NUBPL: variants seen among roughly 807,000 people sequenced by gnomAD.
The protein encoded by NUBPL is iron-sulfur cluster transfer protein NUBPL.
A neutral mutation model predicts 45.7 loss-of-function variants in NUBPL; 31 were observed. That is an observed-to-expected ratio of 0.68 (90% confidence interval 0.51 to 0.92). NUBPL has a LOEUF of 0.92. Ranked by LOEUF, NUBPL falls within the 40% of genes least tolerant of loss-of-function variation. NUBPL has a pLI of 0.00. For synonymous variants in NUBPL, 144 were observed against 140.9 expected, an observed-to-expected ratio of 1.02 and a Z score of -0.15; for missense variants, 401 against 398.7, an observed-to-expected ratio of 1.01 and a Z score of -0.05.
intron 4 of NUBPL, among the ~76,000 whole-genome samples, chr14:31,649,983 C>T (rs183593769): frequency 1.4e-3 from 220 of 152,230 alleles, no homozygotes; most frequent in Middle Eastern, 0.014. Context: ...CCTCAGCCTC[C>T]TGAGTAGCTG....
intron 3 of NUBPL, among the ~76,000 whole-genome samples, chr14:31,590,511 C>G (rs1442722206): frequency 1.3e-5 from 2 of 152,180 alleles, no homozygotes; most frequent in African/African-American, 4.8e-5. Flanking sequence ...ATCAAGTGCT[C>G]TGTTCATATC....
chr14:31,806,008 G>A (rs2039678556), intron 7 of NUBPL, among the ~76,000 whole-genome samples: 1 of 152,118 alleles, frequency 6.6e-6, no homozygotes, highest in Admixed American at 6.6e-5. Flanking sequence ...TGACCAATAT[G>A]TGGTCAGGTT....
chr14:31,621,627 C>T (rs1354011930), intron 4 of NUBPL, among the ~76,000 whole-genome samples: 2 of 152,194 alleles, frequency 1.3e-5, no homozygotes, highest in African/African-American at 4.8e-5. Flanking sequence ...ACCCACTGTC[C>T]AACCAGTCCC....
chr14:31,815,745 A>G (rs182229985), intron 7 of NUBPL, among the ~76,000 whole-genome samples: 120 of 152,244 alleles, frequency 7.9e-4, no homozygotes, highest in South Asian at 1.5e-3. Context: ...TTTAGCATGA[A>G]GTGGTGTTGA....
intron 4 of NUBPL, among the ~76,000 whole-genome samples, chr14:31,604,270 G>T (rs1406529263): frequency 1.3e-5 from 2 of 150,766 alleles, no homozygotes; most frequent in African/African-American, 4.9e-5. Flanking sequence ...TCACTTAAAA[G>T]AATGTGGAAT....
intron 4 of NUBPL, among the ~76,000 whole-genome samples, chr14:31,665,836 A>C (rs1191639779): frequency 1.3e-5 from 2 of 152,026 alleles, no homozygotes; most frequent in African/African-American, 4.8e-5. Context: ...GGGGTGTTAA[A>C]GTCTCCCACT....
intron 7 of NUBPL, among the ~76,000 whole-genome samples, chr14:31,825,529 C>A (rs1211446530): frequency 6.6e-6 from 1 of 150,820 alleles, no homozygotes; most frequent in Non-Finnish European, 1.5e-5. Context: ...TCCTCCTTAG[C>A]ATATGGTATT....
At position 31,859,150 on chromosome 14, in the gene NUBPL, G is replaced by T; in HGVS notation, c.930G>T (p.Val310=). 6.2e-7 allele frequency: 1 copy of T among 1,613,882 alleles called. No individual in the cohort carries two copies. The highest frequency in any genetic ancestry group is 2.2e-5 in the East Asian group (1 of 44,812). Residue 310 remains valine (V), a synonymous_variant, in exon 11 of 11, where the codon GTG becomes GTT. Transcript: ENST00000281081. ...CTTACTTGAGGATTGCTGTGGAAGTGGTAAGAAGATTGCCATCACCTTCAG... is the reference window on the plus strand; with the variant it reads ...CTTACTTGAGGATTGCTGTGGAAGTTGTAAGAAGATTGCCATCACCTTCAG... The part of the protein sequence containing the change: ...AKAYLRIAVE[V]VRRLPSPSE
At chr14:31,678,586 G>T (rs534539125) in intron 6 of NUBPL, among the ~76,000 whole-genome samples, 1 of 152,162 alleles carries the variant, frequency 6.6e-6, no homozygotes. Context: ...TAGGAATGTC[G>T]TCCATGAGCC....
chr14:31,599,916 T>A (rs1033738643), intron 4 of NUBPL, among the ~76,000 whole-genome samples: 2 of 134,596 alleles, frequency 1.5e-5, no homozygotes, highest in Admixed American at 1.5e-4. Context: ...ACTTTACTAG[T>A]TTTTTTTCTT....
At chr14:31,638,239 T>C (rs1013649786) in intron 4 of NUBPL, among the ~76,000 whole-genome samples, 3 of 152,172 alleles carry the variant, frequency 2.0e-5, no homozygotes, top group Admixed American at 1.3e-4. Context: ...GTTGTTCCTT[T>C]CCATGTTTAG....
intron 4 of NUBPL, 52 bp from the exon 5 acceptor site, chr14:31,673,303 T>G: frequency 4.1e-6 from 6 of 1,449,442 alleles, no homozygotes; most frequent in Non-Finnish European, 4.7e-6. Context: ...ATTCAGAATG[T>G]TTATGTGTTG....
chr14:31,641,251 A>G (rs1483308500), intron 4 of NUBPL, among the ~76,000 whole-genome samples: 1 of 152,048 alleles, frequency 6.6e-6, no homozygotes, highest in Non-Finnish European at 1.5e-5. Flanking sequence ...CGCCTGGCCA[A>G]TCTTATTTCT....
At chr14:31,595,895 A>C (rs563043268) in intron 3 of NUBPL, among the ~76,000 whole-genome samples, 73 of 148,308 alleles carry the variant, frequency 4.9e-4, no homozygotes, top group African/African-American at 1.7e-3. Context: ...GTTTCTGTTA[A>C]TGGACACTGA....
At chr14:31,789,504 C>T (rs958604526) in intron 7 of NUBPL, among the ~76,000 whole-genome samples, 17 of 151,904 alleles carry the variant, frequency 1.1e-4, no homozygotes, top group East Asian at 1.9e-4. Context: ...TTTTATGATA[C>T]GAAATTTAAA....
At chr14:31,637,560 A>G (rs1188039001) in intron 4 of NUBPL, among the ~76,000 whole-genome samples, 1 of 152,158 alleles carries the variant, frequency 6.6e-6, no homozygotes, top group Non-Finnish European at 1.5e-5. Flanking sequence ...AAAAATGTAT[A>G]TTCTGTTGAT....
intron 8 of NUBPL, among the ~76,000 whole-genome samples, chr14:31,829,831 TA>T (rs931669129): frequency 6.6e-6 from 1 of 152,156 alleles, no homozygotes. Flanking sequence ...GATGAGCTAT[TA>T]AATTCTCTGT....
At chr14:31,804,936 G>T (rs1342919348) in intron 7 of NUBPL, among the ~76,000 whole-genome samples, 1 of 152,056 alleles carries the variant, frequency 6.6e-6, no homozygotes, top group African/African-American at 2.4e-5. Flanking sequence ...TGGCAAAAGG[G>T]ATCTAATTAA....
intron 10 of NUBPL, among the ~76,000 whole-genome samples, chr14:31,852,317 G>T (rs1243676048): frequency 1.3e-5 from 2 of 152,208 alleles, no homozygotes; most frequent in African/African-American, 4.8e-5. Context: ...TTGCTAAAGA[G>T]CTGAGTCCAC....
Sources: allele counts gnomAD v4.1 joint callset (sites outside exome capture counted in the v4.1 genomes callset), GRCh38; gene constraint gnomAD v4.1.1; transcripts MANE v1.5; gene names NCBI Gene and HGNC (gene_info 2026-07-23, HGNC 2026-07-21).